DHRSX: variants seen among roughly 807,000 people sequenced by gnomAD.
The protein encoded by DHRSX is polyprenol dehydrogenase.
A neutral mutation model predicts 34.0 loss-of-function variants in DHRSX; 31 were observed. The observed-to-expected ratio is 0.91, with a 90% CI of 0.69 to 1.23. DHRSX has a LOEUF of 1.23. DHRSX is among the 50% of genes most tolerant of loss of function. DHRSX has a pLI of 0.00. For synonymous variants in DHRSX, 201 were observed against 183.8 expected, an observed-to-expected ratio of 1.09 and a Z score of -0.76; for missense variants, 414 against 428.1, an observed-to-expected ratio of 0.97 and a Z score of 0.29.
At chrX:2,229,573 T>C (rs1049273721) in intron 6 of DHRSX, among the ~76,000 whole-genome samples, 44 of 151,872 alleles carry the variant, frequency 2.9e-4, no homozygotes, top group Non-Finnish European at 4.7e-4. Context: ...TGTGTGTGTG[T>C]GCACAGATAT....
At chrX:2,347,229 T>C (rs192777461) in intron 3 of DHRSX, among the ~76,000 whole-genome samples, 35 of 152,286 alleles carry the variant, frequency 2.3e-4, no homozygotes, top group Admixed American at 2.3e-3. Flanking sequence ...GAAAGGCACG[T>C]CTCACATTGT....
intron 3 of DHRSX, among the ~76,000 whole-genome samples, chrX:2,319,952 A>G (rs1345467414): frequency 6.6e-6 from 1 of 151,192 alleles, no homozygotes; most frequent in Non-Finnish European, 1.5e-5. Flanking sequence ...CCTCAGCGTC[A>G]TGAGTAGCTG....
rs184367487 is a variant in DHRSX, at chrX:2,260,973, G to A, written c.596+5767C>T. Among the ~76,000 whole-genome samples, 380 of 152,190 alleles carry A rather than the reference G, an allele frequency of 2.5e-3. 2 individuals carry two copies. The highest frequency in any genetic ancestry group is 8.8e-3 in the African/African-American group (366 of 41,540). On this transcript the variant is annotated intron_variant, in intron 5 of 6. Coordinates refer to ENST00000334651, the MANE Select transcript of DHRSX (RefSeq NM_145177.3). ...GCCTGTAATCCCAGCACTTTGTGAGGTCAAGGCAGGCAGATCACTTGAGGT... is the reference window on the plus strand; with the variant it reads ...GCCTGTAATCCCAGCACTTTGTGAGATCAAGGCAGGCAGATCACTTGAGGT...
At chrX:2,285,581 T>C (rs1331584330) in intron 4 of DHRSX, among the ~76,000 whole-genome samples, 1 of 152,146 alleles carries the variant, frequency 6.6e-6, no homozygotes, top group Non-Finnish European at 1.5e-5. Context: ...ACTCACCTTC[T>C]GCTGTGCGGC....
At chrX:2,323,065 A>G (rs1368779956) in intron 3 of DHRSX, among the ~76,000 whole-genome samples, 1 of 73,926 alleles carries the variant, frequency 1.4e-5, no homozygotes, top group African/African-American at 5.5e-5. Context: ...CTGGGATTAC[A>G]GGCGCCACAC....
intron 3 of DHRSX, among the ~76,000 whole-genome samples, chrX:2,367,435 CA>C (rs758111982): frequency 5.2e-4 from 40 of 76,390 alleles, no homozygotes; most frequent in Admixed American, 4.7e-4. Flanking sequence ...AAGACTGTCT[CA>C]AAAAAAAAAA....
At chrX:2,480,943 G>C (rs1452597944) in intron 1 of DHRSX, among the ~76,000 whole-genome samples, 3 of 152,100 alleles carry the variant, frequency 2.0e-5, no homozygotes, top group African/African-American at 7.2e-5. Context: ...ATGACTAAAA[G>C]TAGATTTTAC....
chrX:2,467,588 C>G (rs1304849684), intron 1 of DHRSX, among the ~76,000 whole-genome samples: 1 of 151,678 alleles, frequency 6.6e-6, no homozygotes, highest in Non-Finnish European at 1.5e-5. Flanking sequence ...AATATTATAA[C>G]AGGGACAAAG....
chrX:2,411,554 CAAAAA>C lies in DHRSX; in HGVS notation c.218-2746_218-2742del, dbSNP rs774788900. Among the ~76,000 whole-genome samples, 7 of 55,536 alleles carry C rather than the reference CAAAAA, an allele frequency of 1.3e-4. No homozygotes were observed. In the South Asian group the frequency reaches 1.8e-3, roughly 14 times the overall value. The allele number at this position is 55,536 out of a possible 152,430, so 36.4% of individuals were successfully genotyped here. ...TGGGCGACAGAGCCCAACTCTGTCCCAAAAAAAAAAAAAAAAAAAAAAGTTAGCCA... is the reference window on the plus strand; with the variant it reads ...TGGGCGACAGAGCCCAACTCTGTCCCAAAAAAAAAAAAAAAAAGTTAGCCA... On this transcript the variant is annotated intron_variant, in intron 2 of 6. Transcript: ENST00000334651.
At chrX:2,414,185 A>T (rs918441255) in intron 2 of DHRSX, among the ~76,000 whole-genome samples, 2 of 151,890 alleles carry the variant, frequency 1.3e-5, no homozygotes, top group East Asian at 3.9e-4. Flanking sequence ...CAACCCAACT[A>T]CCTCATCGTG....
chrX:2,484,259 C>T (rs1167040584), intron 1 of DHRSX, among the ~76,000 whole-genome samples: 2 of 152,170 alleles, frequency 1.3e-5, no homozygotes, highest in Non-Finnish European at 2.9e-5. Context: ...AGATGTGAGC[C>T]ACCACACCCA....
intron 4 of DHRSX, among the ~76,000 whole-genome samples, chrX:2,289,428 A>G (rs1255506311): frequency 6.6e-6 from 1 of 151,958 alleles, no homozygotes; most frequent in African/African-American, 2.4e-5. Flanking sequence ...TGAGATTCCT[A>G]ATTTTTTCTG....
At chrX:2,294,266 G>A (rs1474506240) in intron 3 of DHRSX, among the ~76,000 whole-genome samples, 12 of 152,034 alleles carry the variant, frequency 7.9e-5, no homozygotes, top group African/African-American at 1.2e-4. Flanking sequence ...GAAAGAGGCC[G>A]GGCACGATGG....
chrX:2,233,517 C>T (rs1180024609), intron 6 of DHRSX, among the ~76,000 whole-genome samples: 2 of 151,970 alleles, frequency 1.3e-5, no homozygotes, highest in Admixed American at 6.6e-5. Flanking sequence ...GGCTGGGGGG[C>T]GCTGGGGAGA....
intron 2 of DHRSX, among the ~76,000 whole-genome samples, chrX:2,424,186 C>T (rs1410412441): frequency 6.7e-6 from 1 of 149,498 alleles, no homozygotes; most frequent in Non-Finnish European, 1.5e-5. Context: ...CAGAGAGAAA[C>T]CAAGGAGAGA....
intron 3 of DHRSX, among the ~76,000 whole-genome samples, chrX:2,371,193 TCCGTTACCACAGTCCCTTCTC>T (rs1357736830): frequency 1.3e-5 from 2 of 149,078 alleles, no homozygotes; most frequent in Non-Finnish European, 3.0e-5. Context: ...TAGACCCTCC[TCCGTTACCACAGTCCCTTCTC>T]CCGTTACCGT....
At chrX:2,495,378 AT>A (rs1171782588) in intron 1 of DHRSX, among the ~76,000 whole-genome samples, 2 of 152,058 alleles carry the variant, frequency 1.3e-5, no homozygotes, top group Non-Finnish European at 2.9e-5. Flanking sequence ...TATTGTTATT[AT>A]TTAGGTGAAC....
intron 4 of DHRSX, among the ~76,000 whole-genome samples, chrX:2,274,982 A>T (rs1185764194): frequency 1.3e-5 from 2 of 152,074 alleles, no homozygotes; most frequent in Non-Finnish European, 2.9e-5. Context: ...GGCCATTATC[A>T]TGGCCTAGGA....
At chrX:2,483,788 G>A (rs1229826443) in intron 1 of DHRSX, among the ~76,000 whole-genome samples, 2 of 87,496 alleles carry the variant, frequency 2.3e-5, no homozygotes, top group African/African-American at 5.5e-5. Context: ...GGAAAAAGTG[G>A]CAAAAAAAAA....
Sources: allele counts gnomAD v4.1 joint callset (sites outside exome capture counted in the v4.1 genomes callset), GRCh38; gene constraint gnomAD v4.1.1; transcripts MANE v1.5; gene names NCBI Gene and HGNC (gene_info 2026-07-23, HGNC 2026-07-21).